The following GRID2 variants were observed in gnomAD, a reference collection of about 807,000 sequenced individuals.
GRID2 encodes glutamate ionotropic receptor delta type subunit 2, also known as glutamate receptor ionotropic, delta-2.
In GRID2, 33 loss-of-function variants were observed where a neutral mutation model predicts 114.8. That is an observed-to-expected ratio of 0.29 (90% CI 0.22 to 0.38). GRID2 has a LOEUF of 0.38. Ranked by LOEUF, GRID2 falls within the 10% of genes least tolerant of loss-of-function variation. GRID2 has a pLI of 1.00. For synonymous variants in GRID2, 505 were observed against 449.9 expected (o/e 1.12, Z -1.55); for missense variants, 1,184 against 1,257.7 (o/e 0.94, Z 0.89).
At chr4:92,669,286 A>G (rs913477632) in intron 2 of GRID2, among the ~76,000 whole-genome samples, 3 of 151,892 alleles carry the variant, frequency 2.0e-5, no homozygotes, top group Admixed American at 1.3e-4. Context: ...ATGCCTTATA[A>G]TACTCACTGC....
chr4:93,286,696 T>G (rs76234819), intron 8 of GRID2, among the ~76,000 whole-genome samples: 3,298 of 120,612 alleles, frequency 0.027, 80 homozygotes, highest in African/African-American at 0.11. Flanking sequence ...TGTGTGGGGG[T>G]GTGTGTGTGT....
At chr4:92,782,456 T>A (rs1739128957) in intron 2 of GRID2, among the ~76,000 whole-genome samples, 2 of 152,242 alleles carry the variant, frequency 1.3e-5, no homozygotes, top group South Asian at 4.1e-4. Flanking sequence ...TATATACATA[T>A]GTTTTCACTT....
intron 6 of GRID2, among the ~76,000 whole-genome samples, chr4:93,223,777 T>A (rs1045112515): frequency 6.6e-6 from 1 of 152,106 alleles, no homozygotes; most frequent in Admixed American, 6.6e-5. Flanking sequence ...TTCCAAAAAA[T>A]TTTTAACTTC....
chr4:93,211,186 A>G (rs1743429290), intron 5 of GRID2, among the ~76,000 whole-genome samples: 1 of 152,054 alleles, frequency 6.6e-6, no homozygotes, highest in Admixed American at 6.6e-5. Flanking sequence ...AAACTGAAAT[A>G]GAGCTTCTGA....
chr4:92,610,102 A>C (rs1729647228), intron 2 of GRID2, among the ~76,000 whole-genome samples: 1 of 151,678 alleles, frequency 6.6e-6, no homozygotes, highest in Non-Finnish European at 1.5e-5. Flanking sequence ...TCCTATACAG[A>C]GGGCCAATGG....
chr4:93,461,573 A>G (rs1723745072), intron 11 of GRID2, among the ~76,000 whole-genome samples: 1 of 152,160 alleles, frequency 6.6e-6, no homozygotes, highest in Admixed American at 6.5e-5. Flanking sequence ...AAGCAGAAAA[A>G]TGTTAAATAT....
chr4:92,531,680 G>C (rs1045764140), intron 1 of GRID2, among the ~76,000 whole-genome samples: 1 of 152,072 alleles, frequency 6.6e-6, no homozygotes, highest in Non-Finnish European at 1.5e-5. Context: ...TGGAAAACTA[G>C]ATAGAAATGA....
At chr4:93,790,533 A>C (rs146150749) in intron 1 of GRID2, among the ~76,000 whole-genome samples, 1 of 134,354 alleles carries the variant, frequency 7.4e-6, no homozygotes, top group East Asian at 2.5e-4. Context: ...GCCCTCAAAA[A>C]ATGTTATTTA....
chr4:93,531,528 G>T (rs774871642), intron 13 of GRID2, among the ~76,000 whole-genome samples: 12 of 151,538 alleles, frequency 7.9e-5, no homozygotes, highest in Non-Finnish European at 1.3e-4. Context: ...AACAAAATGG[G>T]GAAGAAAAAA....
chr4:93,371,640 G>GA lies in GRID2; in HGVS notation c.1246-23962dup, dbSNP rs563317095. On this transcript the variant is annotated intron_variant, in intron 8 of 15. Coordinates refer to ENST00000282020, the MANE Select transcript of GRID2 (RefSeq NM_001510.4). Reference sequence around the variant, plus strand: ...AAAATAATGTTACAATTCAAACTAGGAAAAATAAATTATATATTTTTAAGA... The same window carrying GA: ...AAAATAATGTTACAATTCAAACTAGGAAAAAATAAATTATATATTTTTAAGA... Among the ~76,000 whole-genome samples, 535 of 150,540 alleles carry GA rather than the reference G, an allele frequency of 3.6e-3. 1 individual carries two copies. The highest frequency in any genetic ancestry group is 0.012 in the African/African-American group (510 of 41,044).
intron 2 of GRID2, among the ~76,000 whole-genome samples, chr4:92,928,333 G>C (rs1281018368): frequency 6.6e-6 from 1 of 151,632 alleles, no homozygotes; most frequent in East Asian, 1.9e-4. Flanking sequence ...TTTTTATTTA[G>C]AAAGATTTAA....
intron 4 of GRID2, among the ~76,000 whole-genome samples, chr4:93,195,081 A>G (rs1741356558): frequency 1.3e-5 from 2 of 152,140 alleles, no homozygotes; most frequent in Admixed American, 1.3e-4. Flanking sequence ...TATGTATAGG[A>G]TAGTTGGAAC....
intron 4 of GRID2, among the ~76,000 whole-genome samples, chr4:93,193,768 A>T (rs1318087694): frequency 6.6e-6 from 1 of 152,322 alleles, no homozygotes; most frequent in Non-Finnish European, 1.5e-5. Context: ...GTAAACTATG[A>T]TACATATAAG....
chr4:93,607,253 C>T (rs1319373229), intron 13 of GRID2, among the ~76,000 whole-genome samples: 1 of 152,078 alleles, frequency 6.6e-6, no homozygotes, highest in Non-Finnish European at 1.5e-5. Flanking sequence ...CACATATACT[C>T]ATGTATTTAT....
At chr4:92,766,520 G>A (rs940498802) in intron 2 of GRID2, among the ~76,000 whole-genome samples, 1 of 118,686 alleles carries the variant, frequency 8.4e-6, no homozygotes, top group Non-Finnish European at 1.6e-5. Flanking sequence ...TTGGGCGACA[G>A]AGCAAGACTC....
At chr4:93,253,505 C>T (rs1000157703) in intron 8 of GRID2, among the ~76,000 whole-genome samples, 2 of 151,638 alleles carry the variant, frequency 1.3e-5, no homozygotes, top group Non-Finnish European at 2.9e-5. Flanking sequence ...TAAAGATTTC[C>T]ACAATATCAA....
chr4:93,671,627 AT>A (rs1310081587), intron 14 of GRID2, among the ~76,000 whole-genome samples: 1 of 152,182 alleles, frequency 6.6e-6, no homozygotes, highest in African/African-American at 2.4e-5. Context: ...GATTAGAAAC[AT>A]GAAAGTTAAA....
rs569274756 is a variant in GRID2, at chr4:92,411,710, G to GT, written c.88+106973dup. On this transcript the variant is annotated intron_variant, in intron 1 of 15. Transcript: ENST00000282020. ...TACCCACAGTGTATTTCTTTTTTTT[G>GT]TTTTTTTGTTTTTGAGACGGAGTCT... Among the ~76,000 whole-genome samples, 912 of 114,290 alleles carry GT rather than the reference G, an allele frequency of 8.0e-3. 15 individuals carry two copies. The highest frequency in any genetic ancestry group is 0.03 in the African/African-American group (866 of 28,824). 75.0% of individuals were successfully genotyped at this position (114,290 alleles called of 152,430 possible). A position where few individuals can be genotyped will look rare whatever the true frequency, so the allele number is the denominator to read the frequency against.
chr4:93,239,477 G>T (rs897054207), intron 8 of GRID2, among the ~76,000 whole-genome samples: 1 of 151,156 alleles, frequency 6.6e-6, no homozygotes, highest in East Asian at 1.9e-4. Flanking sequence ...TTCTTCAGTA[G>T]GTATTTTTAG....
Sources: gnomAD v4.1 joint callset for allele counts (sites outside exome capture counted in the v4.1 genomes callset) on GRCh38, gnomAD v4.1.1 for gene constraint, MANE v1.5 for transcripts, NCBI Gene and HGNC (gene_info 2026-07-23, HGNC 2026-07-21) for gene names.